Variants in NDN observed in about 807,000 individuals in gnomAD.
The protein encoded by NDN is necdin, MAGE family member, also known as necdin.
For missense variants in NDN, 465 were observed against 440.4 expected, an observed-to-expected ratio of 1.06 and a Z score of -0.50; for synonymous variants, 245 against 189.4, an observed-to-expected ratio of 1.29 and a Z score of -2.41.
In NDN at chr15:23,686,989, C is replaced by A. The variant is rs1891160757; in HGVS notation, c.229G>T (p.Gly77Cys). 1.4e-5 allele frequency: 20 copies of A among 1,477,940 alleles called. No homozygotes were observed. Among genetic ancestry groups the A allele is most frequent in the Non-Finnish European group, 1.8e-5 (20 of 1,122,042 alleles). 91.6% of individuals were successfully genotyped at this position (1,477,940 alleles called of 1,614,324 possible). The change falls in exon 1 of 1, where the codon GGC (glycine) becomes TGC (cysteine). Residue 77 changes from glycine to cysteine, a missense_variant. Coordinates refer to ENST00000649030, the MANE Select transcript of NDN (RefSeq NM_002487.3). ...GCGCTCGGGGCCTGGTGGGCGCGGC[C>A]CTCCTCCGCAGCCTGCTGCAGGGCC... ...PKALQQAAEEGRAHQAPSAAQ... is the reference protein window; with the variant it reads ...PKALQQAAEECRAHQAPSAAQ...
rs762933700 is a variant in NDN at position 23,686,678 on chromosome 15, C to G, written c.540G>C (p.Ala180=). The change falls in exon 1 of 1, where the codon GCG becomes GCC. Residue 180 remains alanine (A), a synonymous_variant. Transcript: ENST00000649030. ...CTGTCATGGGCATGCGGTTGCTCAG[C>G]GCCACCCTGTCCAGCTCCTCGGGCT... is the stretch of plus-strand genomic sequence containing the variant. The part of the protein sequence containing the change: ...ALEPEELDRV[A]LSNRMPMTGL... 6 of 1,613,584 alleles carry G rather than the reference C, an allele frequency of 3.7e-6. No homozygotes were observed.
chr15:23,685,962 T>G lies in NDN; in HGVS notation c.*290A>C. The G allele has an allele frequency of 4.5e-6, 1 of 222,050 alleles. No homozygotes were observed. Among genetic ancestry groups the G allele is most frequent in the Non-Finnish European group, 8.8e-6 (1 of 114,128 alleles). 13.8% of individuals were successfully genotyped at this position (222,050 alleles called of 1,614,324 possible). A position where few individuals can be genotyped will look rare whatever the true frequency, so the allele number is the denominator to read the frequency against. On this transcript the variant is annotated 3_prime_UTR_variant, in exon 1 of 1. Transcript: ENST00000649030. The stretch of plus-strand genomic sequence containing the variant: ...AAGAATAAGATGGAAACTTTCTCAA[T>G]GTATTTCATCAGTTTAGCACATCTC...
chr15:23,687,264 T>C lies in NDN; in HGVS notation c.-47A>G. 1 of 1,362,208 alleles carries C rather than the reference T, an allele frequency of 7.3e-7. No homozygotes were observed. The highest frequency in any genetic ancestry group is 9.5e-7 in the Non-Finnish European group (1 of 1,050,738). The allele number at this position is 1,362,208 out of a possible 1,614,324, so 84.4% of individuals were successfully genotyped here. On this transcript the variant is annotated 5_prime_UTR_variant, in exon 1 of 1. Coordinates refer to ENST00000649030, the MANE Select transcript of NDN (RefSeq NM_002487.3). ...CAGGGCCTCTGCGTCCAGGAGCTCT[T>C]CGAGCCTGCGCTCCCTCCGCGGATT...
In NDN at chr15:23,686,335, T is replaced by C; in HGVS notation, c.883A>G (p.Arg295Gly). Reference sequence around the variant, plus strand: ...GCTCTGGCCTCCTCCAGAGCTTCTCTGTATCGGGAGGGCCAGGCCTGGGGG... The same window carrying C: ...GCTCTGGCCTCCTCCAGAGCTTCTCCGTATCGGGAGGGCCAGGCCTGGGGG... ...KDPQAWPSRY[R>G]EALEEARALR... Residue 295 changes from arginine to glycine, a missense_variant, in exon 1 of 1, where the codon AGA becomes GGA. Arg to Gly is a moderately radical substitution (Grantham distance 125). Coordinates refer to ENST00000649030, the MANE Select transcript of NDN (RefSeq NM_002487.3). 6.4e-7 allele frequency: 1 copy of C among 1,562,824 alleles called. No homozygotes were observed. Among genetic ancestry groups the C allele is most frequent in the Non-Finnish European group, 8.7e-7 (1 of 1,155,544 alleles).
chr15:23,686,321 C>A lies in NDN; in HGVS notation c.897G>T (p.Glu299Asp). The A allele has an allele frequency of 6.5e-7, 1 of 1,545,748 alleles. No homozygotes were observed. ...TAGCCTCCCGCAGAGCTCTGGCCTC[C>A]TCCAGAGCTTCTCTGTATCGGGAGG... ...AWPSRYREAL[E>D]EARALREANP... is the part of the protein sequence containing the mutation. Residue 299 changes from glutamate to aspartate, a missense_variant, in exon 1 of 1, where the codon GAG (glutamate) becomes GAT (aspartate). Coordinates refer to ENST00000649030, the MANE Select transcript of NDN (RefSeq NM_002487.3).
chr15:23,687,116 C>A lies in NDN; in HGVS notation c.102G>T (p.Pro34=). 1 of 1,581,582 alleles carries A rather than the reference C, an allele frequency of 6.3e-7. No homozygotes were observed. Among genetic ancestry groups the A allele is most frequent in the Admixed American group, 1.8e-5 (1 of 55,620 alleles). Residue 34 remains proline (P), a synonymous_variant, in exon 1 of 1, where the codon CCG becomes CCT. Transcript: ENST00000649030. ...SSPGVSEGVP[P]SATLAEPQSP... is the part of the protein sequence containing the mutation. The stretch of plus-strand genomic sequence containing the variant: ...TCTGCGGCTCTGCCAGGGTCGCGGA[C>A]GGAGGAACCCCCTCCGAAACCCCAG...
chr15:23,687,082 G>A lies in NDN; in HGVS notation c.136C>T (p.Leu46=). The change falls in exon 1 of 1, where the codon CTA becomes TTA. Residue 46 remains leucine (L), a synonymous_variant. Coordinates refer to ENST00000649030, the MANE Select transcript of NDN (RefSeq NM_002487.3). ...ATLAEPQSPP[L]GPTAAPQAAP... ...GCCTGCGGAGCGGCCGTCGGGCCTA[G>A]AGGAGGGCTCTGCGGCTCTGCCAGG... 1 of 1,575,216 alleles carries A rather than the reference G, an allele frequency of 6.3e-7. No homozygotes were observed. Among genetic ancestry groups the A allele is most frequent in the Non-Finnish European group, 8.6e-7 (1 of 1,163,894 alleles).
In NDN at chr15:23,687,035, C is replaced by G; in HGVS notation, c.183G>C (p.Pro61=). The G allele has an allele frequency of 6.7e-7, 1 of 1,500,438 alleles. No homozygotes were observed. Among genetic ancestry groups the G allele is most frequent in the Non-Finnish European group, 8.9e-7 (1 of 1,127,934 alleles). The allele number at this position is 1,500,438 out of a possible 1,614,324, so 92.9% of individuals were successfully genotyped here. ...GGGCCTTCGGGTCGCCCTCGTCGTT[C>G]GGGGCCTGGGGAGGCGGCGCGGCCT... ...APQAAPPPQA[P]NDEGDPKALQ... Residue 61 remains proline (P), a synonymous_variant, in exon 1 of 1, where the codon CCG becomes CCC. Transcript: ENST00000649030.
Position 23,686,648 on chromosome 15 carries a change from G to C in NDN, c.570C>G (p.Leu190=). 3.1e-6 allele frequency: 5 copies of C among 1,613,596 alleles called. No homozygotes were observed. Among genetic ancestry groups the C allele is most frequent in the East Asian group, 2.2e-5 (1 of 44,842 alleles). ...AGATGAGGCTCAGGATCATGAGCAG[G>C]AGGCCTGTCATGGGCATGCGGTTGC... ...ALSNRMPMTG[L]LLMILSLIYV... The change falls in exon 1 of 1, where the codon CTC becomes CTG. Residue 190 remains leucine (L), a synonymous_variant. Coordinates refer to ENST00000649030, the MANE Select transcript of NDN (RefSeq NM_002487.3).
Position 23,686,438 on chromosome 15 carries a change from G to A in NDN, c.780C>T (p.Phe260=), listed in dbSNP as rs758161696. 3 of 1,609,544 alleles carry A rather than the reference G, an allele frequency of 1.9e-6. No individual in the cohort carries two copies. Among genetic ancestry groups the A allele is most frequent in the Non-Finnish European group, 2.5e-6 (3 of 1,177,074 alleles). Residue 260 remains phenylalanine, a synonymous_variant, in exon 1 of 1, where the codon TTC becomes TTT. Coordinates refer to ENST00000649030, the MANE Select transcript of NDN (RefSeq NM_002487.3). ...CGCGGCTGGCCCGGGAGCCCCAAAA[G>A]AACTCGTATTCGGGCGGCTCCACGT... ...VPYVEPPEYE[F]FWGSRASREI... is the part of the protein sequence containing the mutation.
At position 23,685,642 on chromosome 15, in the gene NDN, T is replaced by G. The variant is rs997007072; in HGVS notation, c.*610A>C. The G allele has an allele frequency of 6.6e-6, 1 of 152,214 alleles. No individual in the cohort carries two copies. Among genetic ancestry groups the G allele is most frequent in the African/African-American group, 2.4e-5 (1 of 41,450 alleles). 9.4% of individuals were successfully genotyped at this position (152,214 alleles called of 1,614,324 possible). A position where few individuals can be genotyped will look rare whatever the true frequency, so the allele number is the denominator to read the frequency against. On this transcript the variant is annotated 3_prime_UTR_variant, in exon 1 of 1. Coordinates refer to ENST00000649030, the MANE Select transcript of NDN (RefSeq NM_002487.3). Reference sequence around the variant, plus strand: ...AGAATTGTCTCATTCCCAACCATACTGCTTTGTTAAAATGATAAAGTACAC... The same window carrying G: ...AGAATTGTCTCATTCCCAACCATACGGCTTTGTTAAAATGATAAAGTACAC...
chr15:23,686,244 A>G lies in NDN; in HGVS notation c.*8T>C, dbSNP rs769979882. On this transcript the variant is annotated 3_prime_UTR_variant, in exon 1 of 1. Transcript: ENST00000649030. ...GGTCAGAAACCATTCATCTGCCTCC[A>G]GACTTTGCTAGTCCTCAGAGACACT... is the stretch of plus-strand genomic sequence containing the variant. 1 of 1,505,890 alleles carries G rather than the reference A, an allele frequency of 6.6e-7. No individual in the cohort carries two copies. The highest frequency in any genetic ancestry group is 1.4e-5 in the South Asian group (1 of 73,318). 93.3% of individuals were successfully genotyped at this position (1,505,890 alleles called of 1,614,324 possible). A position where few individuals can be genotyped will look rare whatever the true frequency, so the allele number is the denominator to read the frequency against.
At position 23,687,294 on chromosome 15, in the gene NDN, G is replaced by A. The variant is rs1013125967; in HGVS notation, c.-77C>T. The A allele has an allele frequency of 7.6e-7, 1 of 1,321,682 alleles. No homozygotes were observed. Among genetic ancestry groups the A allele is most frequent in the African/African-American group, 1.5e-5 (1 of 65,734 alleles). The allele number at this position is 1,321,682 out of a possible 1,614,324, so 81.9% of individuals were successfully genotyped here. On this transcript the variant is annotated 5_prime_UTR_variant, in exon 1 of 1. Coordinates refer to ENST00000649030, the MANE Select transcript of NDN (RefSeq NM_002487.3). Reference sequence around the variant, plus strand: ...CCTGCGCTCCCTCCGCGGATTCCTGGAGAGGAAGTGCGCGTTGCTGCGCGC... The same window carrying A: ...CCTGCGCTCCCTCCGCGGATTCCTGAAGAGGAAGTGCGCGTTGCTGCGCGC...
In NDN at chr15:23,685,602, T is replaced by C. The variant is rs1242547128; in HGVS notation, c.*650A>G. 2 of 152,244 alleles carry C rather than the reference T, an allele frequency of 1.3e-5. No individual in the cohort carries two copies. The highest frequency in any genetic ancestry group is 2.9e-5 in the Non-Finnish European group (2 of 68,046). 9.4% of individuals were successfully genotyped at this position (152,244 alleles called of 1,614,324 possible). On this transcript the variant is annotated 3_prime_UTR_variant, in exon 1 of 1. Transcript: ENST00000649030. ...ATTAGGGGAAATAGTTGTATCTGTATACACTGTAAAATAGAGAATTGTCTC... is the reference window on the plus strand; with the variant it reads ...ATTAGGGGAAATAGTTGTATCTGTACACACTGTAAAATAGAGAATTGTCTC...
Position 23,686,624 on chromosome 15 carries a change from G to T in NDN, c.594C>A (p.Ile198=). ...TGLLLMILSL[I]YVKGRGARES... ...CTCTGGCGCCGCGGCCCTTCACGTA[G>T]ATGAGGCTCAGGATCATGAGCAGGA... is the stretch of plus-strand genomic sequence containing the variant. Residue 198 remains isoleucine (I), a synonymous_variant, in exon 1 of 1, where the codon ATC becomes ATA. Coordinates refer to ENST00000649030, the MANE Select transcript of NDN (RefSeq NM_002487.3). 6.2e-7 allele frequency: 1 copy of T among 1,613,280 alleles called. No homozygotes were observed. Among genetic ancestry groups the T allele is most frequent in the East Asian group, 2.2e-5 (1 of 44,870 alleles).
Position 23,687,233 on chromosome 15 carries a change from C to T in NDN, c.-16G>A, listed in dbSNP as rs764483520. On this transcript the variant is annotated 5_prime_UTR_variant, in exon 1 of 1. Coordinates refer to ENST00000649030, the MANE Select transcript of NDN (RefSeq NM_002487.3). ...GTTCTGACATGTCTGCGCCGTCTGG[C>T]AAGGGCAGGGCCTCTGCGTCCAGGA... The T allele has an allele frequency of 1.7e-5, 25 of 1,430,202 alleles. No individual in the cohort carries two copies. The highest frequency in any genetic ancestry group is 2.1e-5 in the Non-Finnish European group (23 of 1,089,840). The allele number at this position is 1,430,202 out of a possible 1,614,324, so 88.6% of individuals were successfully genotyped here. A position where few individuals can be genotyped will look rare whatever the true frequency, so the allele number is the denominator to read the frequency against.
Position 23,687,089 on chromosome 15 carries a change from G to A in NDN, c.129C>T (p.Ser43=). 6.3e-7 allele frequency: 1 copy of A among 1,578,028 alleles called. No homozygotes were observed. The highest frequency in any genetic ancestry group is 8.6e-7 in the Non-Finnish European group (1 of 1,165,050). The change falls in exon 1 of 1, where the codon AGC becomes AGT. Residue 43 remains serine, a synonymous_variant. Transcript: ENST00000649030. ...GAGCGGCCGTCGGGCCTAGAGGAGG[G>A]CTCTGCGGCTCTGCCAGGGTCGCGG... ...PPSATLAEPQ[S]PPLGPTAAPQ...
chr15:23,686,273 G>T lies in NDN; in HGVS notation c.945C>A (p.Arg315=), dbSNP rs1383441472. ...TTTGCTAGTCCTCAGAGACACTGCT[G>T]CGAGGGTAGTGGGCAGTGGGATTAG... The part of the protein sequence containing the change: ...REANPTAHYP[R]SSVSED Residue 315 remains arginine, a synonymous_variant, in exon 1 of 1, where the codon CGC becomes CGA. Transcript: ENST00000649030. The T allele has an allele frequency of 1.2e-5, 18 of 1,510,660 alleles. No individual in the cohort carries two copies. Among genetic ancestry groups the T allele is most frequent in the Non-Finnish European group, 1.6e-5 (18 of 1,131,084 alleles). The allele number at this position is 1,510,660 out of a possible 1,614,324, so 93.6% of individuals were successfully genotyped here.
At position 23,687,209 on chromosome 15, in the gene NDN, T is replaced by C; in HGVS notation, c.9A>G (p.Glu3=). 4.0e-6 allele frequency: 6 copies of C among 1,481,966 alleles called. No homozygotes were observed. The highest frequency in any genetic ancestry group is 5.4e-6 in the Non-Finnish European group (6 of 1,118,010). 91.8% of individuals were successfully genotyped at this position (1,481,966 alleles called of 1,614,324 possible). Residue 3 remains glutamate (E), a synonymous_variant, in exon 1 of 1, where the codon GAA becomes GAG. Transcript: ENST00000649030. MS[E]QSKDLSDPNF... ...TAGGGTCGCTCAGATCCTTACTTTG[T>C]TCTGACATGTCTGCGCCGTCTGGCA...
Sources: allele counts gnomAD v4.1 joint callset, GRCh38; gene constraint gnomAD v4.1.1; transcripts MANE v1.5; gene names NCBI Gene and HGNC (gene_info 2026-07-23, HGNC 2026-07-21).